CSMD1: variants seen among roughly 807,000 people sequenced by gnomAD.
The protein encoded by CSMD1 is CUB and Sushi multiple domains 1, also known as CUB and sushi domain-containing protein 1.
A neutral mutation model predicts 417.5 loss-of-function variants in CSMD1; 213 were observed. The ratio of observed to expected loss-of-function variants is 0.51; its 90% CI spans 0.46 to 0.57. CSMD1 has a LOEUF of 0.57. CSMD1 is among the 20% of genes least tolerant of loss of function. The pLI is 0.00. For synonymous variants in CSMD1, 2,862 were observed against 1,736.8 expected (o/e 1.65, Z -16.11); for missense variants, 6,923 against 4,529.7 (o/e 1.53, Z -15.17).
intron 28 of CSMD1, among the ~76,000 whole-genome samples, chr8:3,220,788 G>A (rs1401045476): frequency 4.6e-5 from 7 of 152,214 alleles, no homozygotes; most frequent in East Asian, 1.9e-4. Context: ...TCAAGATCAC[G>A]CCACTGCACT....
At chr8:3,461,075 C>T (rs1816470515) in intron 12 of CSMD1, among the ~76,000 whole-genome samples, 1 of 152,212 alleles carries the variant, frequency 6.6e-6, no homozygotes, top group South Asian at 2.1e-4. Flanking sequence ...GACTCTTTCC[C>T]TTGCATGGGC....
intron 2 of CSMD1, among the ~76,000 whole-genome samples, chr8:4,436,815 C>T (rs918287975): frequency 2.0e-5 from 3 of 152,128 alleles, no homozygotes; most frequent in Admixed American, 1.3e-4. Flanking sequence ...CAATGATCTC[C>T]AGCTCTAGCC....
intron 1 of CSMD1, among the ~76,000 whole-genome samples, chr8:4,668,423 T>TTAC (rs1805078866): frequency 7.3e-6 from 1 of 137,352 alleles, no homozygotes; most frequent in South Asian, 2.3e-4. Context: ...TCCATTATTA[T>TTAC]TATTATTATT....
At chr8:3,314,940 C>G (rs1404993646) in intron 23 of CSMD1, among the ~76,000 whole-genome samples, 1 of 152,158 alleles carries the variant, frequency 6.6e-6, no homozygotes, top group Admixed American at 6.6e-5. Context: ...CTGAGCAACT[C>G]TTGAGAAAGT....
chr8:3,591,706 G>A (rs1245705889), intron 8 of CSMD1, among the ~76,000 whole-genome samples: 1 of 152,128 alleles, frequency 6.6e-6, no homozygotes, highest in Non-Finnish European at 1.5e-5. Flanking sequence ...TTGATAGATA[G>A]ATAGATGATA....
At chr8:3,767,063 C>T (rs1200316516) in intron 5 of CSMD1, among the ~76,000 whole-genome samples, 2 of 152,224 alleles carry the variant, frequency 1.3e-5, no homozygotes, top group South Asian at 4.1e-4. Context: ...TTTTCAGCAT[C>T]ACTGCCTGCC....
intron 1 of CSMD1, among the ~76,000 whole-genome samples, chr8:4,923,209 A>C (rs546928593): frequency 6.6e-6 from 1 of 152,200 alleles, no homozygotes; most frequent in African/African-American, 2.4e-5. Context: ...ATAGTTACAT[A>C]ATAGTAGACA....
At chr8:3,551,441 G>A (rs900871759) in intron 10 of CSMD1, among the ~76,000 whole-genome samples, 5 of 152,036 alleles carry the variant, frequency 3.3e-5, no homozygotes, top group African/African-American at 1.2e-4. Context: ...TCTGCACACT[G>A]ACAGCTAAGG....
chr8:4,574,160 C>T (rs532798425), intron 2 of CSMD1, among the ~76,000 whole-genome samples: 16 of 128,250 alleles, frequency 1.2e-4, no homozygotes, highest in African/African-American at 2.9e-4. Flanking sequence ...TTCCAGGAGA[C>T]GCTGGGGTCC....
intron 5 of CSMD1, among the ~76,000 whole-genome samples, chr8:3,815,785 T>C (rs1801336894): frequency 6.6e-6 from 1 of 152,102 alleles, no homozygotes; most frequent in Admixed American, 6.6e-5. Context: ...TGATCTATAG[T>C]AGTGAGCTAG....
At chr8:4,081,548 G>T (rs1034666138) in intron 3 of CSMD1, among the ~76,000 whole-genome samples, 4 of 152,176 alleles carry the variant, frequency 2.6e-5, no homozygotes, top group Non-Finnish European at 5.9e-5. Context: ...AGGAACCGAA[G>T]CTGTGCTCAT....
At chr8:3,568,722 CAT>C (rs201370568) in intron 10 of CSMD1, among the ~76,000 whole-genome samples, 1 of 151,660 alleles carries the variant, frequency 6.6e-6, no homozygotes, top group African/African-American at 2.4e-5. Context: ...TTTATCTATG[CAT>C]ATATATATAC....
At chr8:4,309,195 A>T (rs1798421528) in intron 3 of CSMD1, among the ~76,000 whole-genome samples, 1 of 152,104 alleles carries the variant, frequency 6.6e-6, no homozygotes, top group African/African-American at 2.4e-5. Context: ...GGTTACTTTC[A>T]ATTCCTAGGG....
At chr8:4,487,882 G>T (rs750445052) in intron 2 of CSMD1, among the ~76,000 whole-genome samples, 1 of 152,116 alleles carries the variant, frequency 6.6e-6, no homozygotes, top group African/African-American at 2.4e-5. Context: ...CTTAAGATTG[G>T]GAGGGATTAA....
In CSMD1 at chr8:4,873,772, G is replaced by A. The variant is rs533768612; in HGVS notation, c.85+120560C>T. On this transcript the variant is annotated intron_variant, in intron 1 of 69. Coordinates refer to ENST00000635120, the MANE Select transcript of CSMD1 (RefSeq NM_033225.6). ...ATATGTAGCACCTATTTTATAGAAA[G>A]TAGCACTGTGTTTGAAGCTGGAATC... Among the ~76,000 whole-genome samples the A allele has an allele frequency of 3.9e-5, 6 of 152,190 alleles. No individual in the cohort carries two copies. In the South Asian group the frequency reaches 1.0e-3, roughly 26 times the overall value.
chr8:4,780,447 A>T (rs908491056), intron 1 of CSMD1, among the ~76,000 whole-genome samples: 43 of 151,824 alleles, frequency 2.8e-4, no homozygotes, highest in African/African-American at 9.7e-4. Flanking sequence ...CTACCTACCT[A>T]CCTACCTATC....
intron 1 of CSMD1, among the ~76,000 whole-genome samples, chr8:4,825,246 T>G (rs1799757559): frequency 6.6e-6 from 1 of 152,120 alleles, no homozygotes; most frequent in Non-Finnish European, 1.5e-5. Flanking sequence ...TGGAGGCATT[T>G]GAAATATGCA....
chr8:4,843,978 G>T (rs1394679759), intron 1 of CSMD1, among the ~76,000 whole-genome samples: 3 of 152,162 alleles, frequency 2.0e-5, no homozygotes, highest in Non-Finnish European at 2.9e-5. Context: ...TCATGAATCA[G>T]CAGGAAAAAT....
intron 10 of CSMD1, among the ~76,000 whole-genome samples, chr8:3,554,398 T>A (rs1215040112): frequency 6.6e-6 from 1 of 152,068 alleles, no homozygotes; most frequent in Non-Finnish European, 1.5e-5. Flanking sequence ...AGGAAGACAA[T>A]GAAGCCCCCT....
Sources: gnomAD v4.1 joint callset for allele counts (sites outside exome capture counted in the v4.1 genomes callset) on GRCh38, gnomAD v4.1.1 for gene constraint, MANE v1.5 for transcripts, NCBI Gene and HGNC (gene_info 2026-07-23, HGNC 2026-07-21) for gene names.